The following RALYL variants were observed in gnomAD, a reference collection of about 807,000 sequenced individuals.
RALYL encodes RALY RNA binding protein like.
Under a neutral mutation model 35.1 loss-of-function variants are expected in RALYL, and 29 were observed. The ratio of observed to expected loss-of-function variants is 0.83; its 90% confidence interval spans 0.61 to 1.13. The LOEUF is 1.13. RALYL is among the 50% of genes most tolerant of loss of function. The pLI is 0.00. For missense variants in RALYL, 359 were observed against 360.4 expected (o/e 1.00, Z 0.03); for synonymous variants, 120 against 127.6 (o/e 0.94, Z 0.40).
intron 1 of RALYL, among the ~76,000 whole-genome samples, chr8:84,416,044 T>C (rs1479831210): frequency 6.6e-6 from 1 of 152,228 alleles, no homozygotes; most frequent in Non-Finnish European, 1.5e-5. Context: ...GATATGTTTG[T>C]ATCATATAAA....
At chr8:84,535,602 A>ATTTATTTTATTTTATT (rs941813409) in intron 2 of RALYL, among the ~76,000 whole-genome samples, 6 of 138,394 alleles carry the variant, frequency 4.3e-5, no homozygotes, top group Non-Finnish European at 6.2e-5. Context: ...CGCCCGGCTA[A>ATTTATTTTATTTTATT]TTATTTTATT....
intron 2 of RALYL, chr8:84,678,741 G>A (rs1420093693): frequency 6.6e-6 from 1 of 152,240 alleles, no homozygotes; most frequent in Non-Finnish European, 1.5e-5. Flanking sequence ...GTGCATAAAA[G>A]AAATAATAGT....
chr8:84,458,005 A>C (rs1262849908), intron 1 of RALYL, among the ~76,000 whole-genome samples: 1 of 151,866 alleles, frequency 6.6e-6, no homozygotes, highest in Non-Finnish European at 1.5e-5. Context: ...GACATAGAGC[A>C]CATCCTCAAG....
chr8:84,790,046 G>A (rs1305777755), intron 3 of RALYL, among the ~76,000 whole-genome samples: 5 of 152,218 alleles, frequency 3.3e-5, no homozygotes, highest in Non-Finnish European at 7.3e-5. Flanking sequence ...TTAGGGGTAG[G>A]TGAAGCACAT....
At chr8:84,903,718 T>G (rs1276924083) in intron 8 of RALYL, among the ~76,000 whole-genome samples, 1 of 152,174 alleles carries the variant, frequency 6.6e-6, no homozygotes, top group African/African-American at 2.4e-5. Flanking sequence ...TATAGTTCTA[T>G]GATGCCAAGC....
chr8:84,548,912 T>C (rs1313622303), intron 2 of RALYL, among the ~76,000 whole-genome samples: 1 of 152,194 alleles, frequency 6.6e-6, no homozygotes, highest in East Asian at 1.9e-4. Context: ...ATTGAGAGTT[T>C]AAAAAGTCAA....
intron 4 of RALYL, among the ~76,000 whole-genome samples, chr8:84,826,594 T>C (rs754982663): frequency 2.6e-5 from 4 of 152,128 alleles, no homozygotes; most frequent in Admixed American, 1.3e-4. Context: ...TTATCATCTC[T>C]GAGGAAATTA....
intron 2 of RALYL, among the ~76,000 whole-genome samples, chr8:84,608,928 T>C (rs1817722387): frequency 6.6e-6 from 1 of 152,106 alleles, no homozygotes; most frequent in African/African-American, 2.4e-5. Flanking sequence ...TAACATCTAA[T>C]AGGCTTTTTT....
intron 1 of RALYL, among the ~76,000 whole-genome samples, chr8:84,298,180 G>A (rs549045068): frequency 1.3e-5 from 2 of 152,006 alleles, no homozygotes; most frequent in East Asian, 3.9e-4. Flanking sequence ...TTACATCTAA[G>A]CCTTTAATCC....
At chr8:84,322,483 A>G (rs1201171151) in intron 1 of RALYL, among the ~76,000 whole-genome samples, 3 of 152,130 alleles carry the variant, frequency 2.0e-5, no homozygotes, top group Non-Finnish European at 4.4e-5. Context: ...TGATTTAATC[A>G]TCTTCCACTT....
chr8:84,429,461 A>G (rs1175677239), intron 1 of RALYL, among the ~76,000 whole-genome samples: 1 of 150,660 alleles, frequency 6.6e-6, no homozygotes. Flanking sequence ...GAGGGCTGAA[A>G]CAAATGAGAT....
intron 2 of RALYL, among the ~76,000 whole-genome samples, chr8:84,753,041 A>C (rs962388165): frequency 1.3e-5 from 2 of 152,170 alleles, no homozygotes; most frequent in East Asian, 1.9e-4. Flanking sequence ...ATGGGCACTC[A>C]GTTCCAGCCC....
At chr8:84,785,684 T>C (rs1459921746) in intron 3 of RALYL, among the ~76,000 whole-genome samples, 3 of 152,192 alleles carry the variant, frequency 2.0e-5, no homozygotes, top group Admixed American at 1.3e-4. Context: ...CAGTTTTATT[T>C]ATAATAGTGA....
chr8:84,527,282 T>G (rs1488350701), intron 1 of RALYL, among the ~76,000 whole-genome samples: 1 of 152,026 alleles, frequency 6.6e-6, no homozygotes, highest in Non-Finnish European at 1.5e-5. Context: ...CAGAGCAGAG[T>G]CCAAGATAGC....
At chr8:84,492,077 A>G (rs1447400479) in intron 1 of RALYL, among the ~76,000 whole-genome samples, 2 of 152,026 alleles carry the variant, frequency 1.3e-5, no homozygotes, top group Middle Eastern at 3.2e-3. Context: ...TAAAAACTAT[A>G]AACTTTTTTC....
intron 4 of RALYL, among the ~76,000 whole-genome samples, chr8:84,807,101 G>A (rs531397315): frequency 3.3e-5 from 5 of 152,140 alleles, no homozygotes; most frequent in South Asian, 2.1e-4. Flanking sequence ...ATTTTGGTGC[G>A]CCCATCACCC....
At position 84,290,747 on chromosome 8, in the gene RALYL, C is replaced by A. The variant is rs569737094; in HGVS notation, c.-24+106323C>A. Among the ~76,000 whole-genome samples the A allele has an allele frequency of 2.0e-5, 3 of 152,258 alleles. No individual in the cohort carries two copies. The East Asian group carries it at 5.8e-4, about 30-fold the overall frequency. On this transcript the variant is annotated intron_variant, in intron 1 of 8. Transcript: ENST00000521268. Reference sequence around the variant, plus strand: ...CCATGGCTTGGCTTGGGCTCAGAGGCCTGACACTTGTTTACATACTTTGGC... The same window carrying A: ...CCATGGCTTGGCTTGGGCTCAGAGGACTGACACTTGTTTACATACTTTGGC...
chr8:84,346,884 A>G (rs1849931320), intron 1 of RALYL, among the ~76,000 whole-genome samples: 1 of 152,148 alleles, frequency 6.6e-6, no homozygotes, highest in African/African-American at 2.4e-5. Context: ...AGGAATTGAT[A>G]TTTATAAAAT....
chr8:84,626,878 T>C (rs1003809532), intron 2 of RALYL, among the ~76,000 whole-genome samples: 1 of 152,186 alleles, frequency 6.6e-6, no homozygotes, highest in Non-Finnish European at 1.5e-5. Flanking sequence ...TAAATGGTAT[T>C]GGTAGAGCAC....
Sources: allele counts gnomAD v4.1 joint callset (sites outside exome capture counted in the v4.1 genomes callset), GRCh38; gene constraint gnomAD v4.1.1; transcripts MANE v1.5; gene names NCBI Gene and HGNC (gene_info 2026-07-23, HGNC 2026-07-21).